The following TREH variants were observed in gnomAD, a reference collection of about 807,000 sequenced individuals.
The protein encoded by TREH is trehalase.
Under a neutral mutation model 80.5 loss-of-function variants are expected in TREH, and 69 were observed. The ratio of observed to expected loss-of-function variants is 0.86; its 90% CI spans 0.71 to 1.05. TREH has a LOEUF of 1.05. Ranked by LOEUF, TREH falls within the 50% of genes least tolerant of loss-of-function variation. The pLI is 0.00. For synonymous variants in TREH, 309 were observed against 293.5 expected, an observed-to-expected ratio of 1.05 and a Z score of -0.54; for missense variants, 716 against 718.8, an observed-to-expected ratio of 1.00 and a Z score of 0.04.
intron 1 of TREH, among the ~76,000 whole-genome samples, chr11:118,675,698 A>G (rs1377298023): frequency 6.6e-6 from 1 of 151,824 alleles, no homozygotes; most frequent in African/African-American, 2.4e-5. Context: ...CTTGGTATTT[A>G]TTTGTTTTAT....
rs782521220 is a variant in TREH at position 118,661,145 on chromosome 11, T to C, written c.857+15A>G. On this transcript the variant is annotated intron_variant, in intron 8 of 14. Coordinates refer to ENST00000264029, the MANE Select transcript of TREH (RefSeq NM_007180.3). The surrounding 1 kb of genome is among the most constrained non-coding windows in gnomAD (Gnocchi z 4.2). ...GCAGGTAAGAGATTGAGGGGTGGGC[T>C]GCCCAGTTCCTCACCTGGGTCCCCC... 3.3e-5 allele frequency: 54 copies of C among 1,613,646 alleles called. No homozygotes were observed. The Middle Eastern group carries it at 1.2e-3, about 34-fold the overall frequency.
In TREH at chr11:118,658,245, T is replaced by C; in HGVS notation, c.*44A>G. Reference sequence around the variant, plus strand: ...GGGAAGGCAGGAACTGGTGCAGAGGTTTAATGGGGCAGGAGCTGGGGCCAG... The same window carrying C: ...GGGAAGGCAGGAACTGGTGCAGAGGCTTAATGGGGCAGGAGCTGGGGCCAG... On this transcript the variant is annotated 3_prime_UTR_variant, in exon 15 of 15. Transcript: ENST00000264029. The C allele has an allele frequency of 2.6e-6, 4 of 1,551,182 alleles. No homozygotes were observed. Among genetic ancestry groups the C allele is most frequent in the Non-Finnish European group, 3.5e-6 (4 of 1,147,772 alleles).
Position 118,660,564 on chromosome 11 carries a change from C to G in TREH, c.1077G>C (p.Leu359=). 6.2e-7 allele frequency: 1 copy of G among 1,608,590 alleles called. No homozygotes were observed. The highest frequency in any genetic ancestry group is 8.5e-7 in the Non-Finnish European group (1 of 1,177,000). The change falls in exon 10 of 15, where the codon CTG becomes CTC. Residue 359 remains leucine, a synonymous_variant. Coordinates refer to ENST00000264029, the MANE Select transcript of TREH (RefSeq NM_007180.3). ...CCAGCCTGGAATAGAAGTTGCTCAT[C>G]AGCTCCTCTGCTTGGCATAGGAAGG... ...LNAFLCQAEE[L]MSNFYSRLGN...
At position 118,661,863 on chromosome 11, in the gene TREH, C is replaced by G; in HGVS notation, c.524+27G>C. The G allele has an allele frequency of 2.6e-6, 4 of 1,564,326 alleles. No homozygotes were observed. Among genetic ancestry groups the G allele is most frequent in the Non-Finnish European group, 3.5e-6 (4 of 1,153,678 alleles). Reference sequence around the variant, plus strand: ...CCACCACTGCCAGTCCTGCAGGCCCCTTGGTCTCTTGGGCCTGGGCGCTCA... The same window carrying G: ...CCACCACTGCCAGTCCTGCAGGCCCGTTGGTCTCTTGGGCCTGGGCGCTCA... On this transcript the variant is annotated intron_variant, in intron 5 of 14. Transcript: ENST00000264029. This position sits in a 1 kb window ranked among gnomAD's most constrained non-coding sequence, Gnocchi z 4.2.
chr11:118,671,210 C>T (rs1949427081), intron 1 of TREH, among the ~76,000 whole-genome samples: 1 of 152,148 alleles, frequency 6.6e-6, no homozygotes, highest in Non-Finnish European at 1.5e-5. Context: ...CCATCAGACC[C>T]TTAGGAATTT....
intron 1 of TREH, among the ~76,000 whole-genome samples, chr11:118,675,103 G>C (rs1447970095): frequency 6.6e-6 from 1 of 151,958 alleles, no homozygotes; most frequent in Non-Finnish European, 1.5e-5. Flanking sequence ...ATTTCCATTG[G>C]TAACTTTTAC....
chr11:118,660,478 A>T, intron 10 of TREH, 61 bp downstream of exon 10: 1 of 1,493,178 alleles, frequency 6.7e-7, no homozygotes, highest in East Asian at 2.5e-5. Flanking sequence ...TTCCAGTTCT[A>T]TTGCCAAGCC....
intron 4 of TREH, 34 bp downstream of exon 4, chr11:118,662,847 G>A: frequency 1.9e-6 from 3 of 1,552,206 alleles, no homozygotes; most frequent in Non-Finnish European, 2.6e-6. Flanking sequence ...CAGTTCCCTT[G>A]GTCAGGCCTT....
intron 12 of TREH, 35 bp from the exon 13 acceptor site, chr11:118,659,052 G>A (rs1949269327): frequency 6.3e-7 from 1 of 1,597,314 alleles, no homozygotes; most frequent in South Asian, 1.1e-5. Flanking sequence ...CAACCTCCAG[G>A]TCTCCCATCC....
intron 1 of TREH, among the ~76,000 whole-genome samples, chr11:118,675,889 G>C (rs538073158): frequency 1.3e-5 from 2 of 152,254 alleles, no homozygotes; most frequent in African/African-American, 4.8e-5. Context: ...TTTTGGTAGA[G>C]ACAGGGTTTC....
intron 1 of TREH, among the ~76,000 whole-genome samples, chr11:118,673,989 C>T (rs1478220939): frequency 2.6e-5 from 4 of 151,566 alleles, no homozygotes; most frequent in African/African-American, 9.7e-5. Flanking sequence ...GGTCCAAAGT[C>T]AGTCCTAGGG....
At position 118,664,747 on chromosome 11, in the gene TREH, G is replaced by A. The variant is rs187719420; in HGVS notation, c.90-1308C>T. On this transcript the variant is annotated intron_variant, in intron 1 of 14. Coordinates refer to ENST00000264029, the MANE Select transcript of TREH (RefSeq NM_007180.3). ...TGATAGAAAATTGGAAAAGAGAGTC[G>A]AAACATTTGCTGTCTACAGTGGGGG... Among the ~76,000 whole-genome samples, 343 of 152,232 alleles carry A rather than the reference G, an allele frequency of 2.3e-3. 3 individuals carry two copies. Among genetic ancestry groups the A allele is most frequent in the Non-Finnish European group, 4.0e-3 (272 of 68,004 alleles).
At chr11:118,666,371 A>G (rs1949378034) in intron 1 of TREH, among the ~76,000 whole-genome samples, 2 of 152,244 alleles carry the variant, frequency 1.3e-5, no homozygotes. Context: ...CAAGAGAATA[A>G]GATTGTCTCT....
chr11:118,659,322 T>C (rs1448956967), intron 12 of TREH, 48 bp downstream of exon 12: 1 of 1,454,016 alleles, frequency 6.9e-7, no homozygotes, highest in African/African-American at 1.4e-5. Flanking sequence ...GAGGCCCACC[T>C]CTACACCCTG....
Position 118,660,567 on chromosome 11 carries a change from C to A in TREH, c.1074G>T (p.Glu358Asp). The A allele has an allele frequency of 6.2e-7, 1 of 1,609,052 alleles. No homozygotes were observed. ...GCCTGGAATAGAAGTTGCTCATCAGCTCCTCTGCTTGGCATAGGAAGGCAT... is the reference window on the plus strand; with the variant it reads ...GCCTGGAATAGAAGTTGCTCATCAGATCCTCTGCTTGGCATAGGAAGGCAT... ...DLNAFLCQAE[E>D]LMSNFYSRLG... The change falls in exon 10 of 15, where the codon GAG becomes GAT. Residue 358 changes from glutamate to aspartate, a missense_variant. By Grantham distance (45) the Glu-to-Asp change is conservative (BLOSUM62 2). Coordinates refer to ENST00000264029, the MANE Select transcript of TREH (RefSeq NM_007180.3).
rs1555144443 is a variant in TREH, at chr11:118,659,723, C to A, written c.1320+24G>T. 3 of 1,556,730 alleles carry A rather than the reference C, an allele frequency of 1.9e-6. No individual in the cohort carries two copies. In the Admixed American group the frequency reaches 5.8e-5, roughly 30 times the overall value. ...GGGGGCGGTGCTGCCTGCAGTGGAC[C>A]CGAGCCACCTGCTGTGCCCTCACCT... On this transcript the variant is annotated intron_variant, in intron 11 of 14. Coordinates refer to ENST00000264029, the MANE Select transcript of TREH (RefSeq NM_007180.3).
Position 118,658,913 on chromosome 11 carries a change from A to G in TREH, c.1537T>C (p.Tyr513His), listed in dbSNP as rs1949265648. ...GGCTTGGGCCAGCTCACCTTCTCAT[A>G]CATGGCTGACTTCTGCGAGTAGACA... ...FDVYSQKSAM[Y>H]EKYDVSNGGQ... The change falls in exon 13 of 15, where the codon TAT becomes CAT. Residue 513 changes from tyrosine to histidine, a missense_variant. Transcript: ENST00000264029. The G allele has an allele frequency of 6.2e-7, 1 of 1,613,928 alleles. No homozygotes were observed. Among genetic ancestry groups the G allele is most frequent in the Admixed American group, 1.7e-5 (1 of 60,020 alleles).
chr11:118,662,099 G>A, intron 4 of TREH, 109 bp from the exon 5 acceptor site: 1 of 846,922 alleles, frequency 1.2e-6, no homozygotes, highest in Non-Finnish European at 1.9e-6. Flanking sequence ...GAGCCAGGCA[G>A]TTGGGTTCAG....
intron 4 of TREH, among the ~76,000 whole-genome samples, chr11:118,662,476 C>T (rs1158772516): frequency 1.3e-5 from 2 of 152,250 alleles, no homozygotes; most frequent in African/African-American, 4.8e-5. Context: ...TAGCTCAGGA[C>T]AGGGCTGAAC....
Sources: allele counts gnomAD v4.1 joint callset (sites outside exome capture counted in the v4.1 genomes callset), GRCh38; gene constraint gnomAD v4.1.1; non-coding constraint Gnocchi (gnomAD v3.1); transcripts MANE v1.5; gene names NCBI Gene and HGNC (gene_info 2026-07-23, HGNC 2026-07-21).